SIPA1L3: variants seen among roughly 807,000 people sequenced by gnomAD.
SIPA1L3 encodes signal induced proliferation associated 1 like 3.
In SIPA1L3, 59 loss-of-function variants were observed where a neutral mutation model predicts 150.1. The ratio of observed to expected loss-of-function variants is 0.39; its 90% confidence interval spans 0.32 to 0.49. SIPA1L3 has a LOEUF of 0.49. Ranked by LOEUF, SIPA1L3 falls within the 20% of genes least tolerant of loss-of-function variation. The probability of loss-of-function intolerance (pLI) is 0.86; values close to 1 mark genes in which losing one functional copy is unlikely to be tolerated. For missense variants in SIPA1L3, 2,211 were observed against 2,489.5 expected (o/e 0.89, Z 2.38); for synonymous variants, 1,070 against 1,077.6 (o/e 0.99, Z 0.14).
intron 1 of SIPA1L3, among the ~76,000 whole-genome samples, chr19:37,975,851 TC>T (rs1465711946): frequency 6.6e-6 from 1 of 152,040 alleles, no homozygotes; most frequent in Non-Finnish European, 1.5e-5. Context: ...ACGCCTGTAA[TC>T]CCAGCACTTT....
At chr19:37,995,499 T>G (rs1967616085) in intron 1 of SIPA1L3, among the ~76,000 whole-genome samples, 1 of 151,982 alleles carries the variant, frequency 6.6e-6, no homozygotes, top group South Asian at 2.1e-4. Flanking sequence ...TAATGCAGCG[T>G]GGTGAGTAGA....
intron 3 of SIPA1L3, among the ~76,000 whole-genome samples, chr19:38,086,164 G>C (rs892727848): frequency 6.6e-6 from 1 of 152,062 alleles, no homozygotes; most frequent in Non-Finnish European, 1.5e-5. Flanking sequence ...ATTTTACACT[G>C]TATATGTATT....
chr19:38,030,971 T>A lies in SIPA1L3; in HGVS notation c.-311+1815T>A, dbSNP rs139346404. Among the ~76,000 whole-genome samples, 340 of 152,092 alleles carry A rather than the reference T, an allele frequency of 2.2e-3. 3 individuals are homozygous for A. Among genetic ancestry groups the A allele is most frequent in the African/African-American group, 8.2e-3 (338 of 41,450 alleles). On this transcript the variant is annotated intron_variant, in intron 2 of 21. Coordinates refer to ENST00000222345, the MANE Select transcript of SIPA1L3 (RefSeq NM_015073.3). ...TGTCGGCCAAGCTGCGGGAACTGAG[T>A]GGCTGTGGATGGAGTTTCTCTCTCC...
At chr19:38,162,138 G>A in intron 13 of SIPA1L3, 115 bp from the exon 14 acceptor site, 1 of 768,170 alleles carries the variant, frequency 1.3e-6, no homozygotes, top group Non-Finnish European at 2.3e-6. Context: ...ACTCCAAGGT[G>A]TAAATTGATG....
At chr19:38,018,089 ATT>A (rs201864828) in intron 1 of SIPA1L3, among the ~76,000 whole-genome samples, 1 of 103,390 alleles carries the variant, frequency 9.7e-6, no homozygotes, top group Admixed American at 1.0e-4. Context: ...GGATTCTCTG[ATT>A]TTTTTTTTTT....
intron 4 of SIPA1L3, among the ~76,000 whole-genome samples, 189 bp from the exon 5 acceptor site, chr19:38,099,773 C>T (rs927097337): frequency 6.6e-6 from 1 of 152,228 alleles, no homozygotes; most frequent in Non-Finnish European, 1.5e-5. Context: ...TATGAAGTCA[C>T]TTGGTCAAGA....
At chr19:37,936,318 C>T (rs1055418947) in intron 1 of SIPA1L3, among the ~76,000 whole-genome samples, 3 of 152,278 alleles carry the variant, frequency 2.0e-5, no homozygotes, top group Non-Finnish European at 2.9e-5. Flanking sequence ...TGCCAGCACT[C>T]CATCCAGACA....
chr19:37,951,680 C>T (rs901435652), intron 1 of SIPA1L3, among the ~76,000 whole-genome samples: 3 of 151,882 alleles, frequency 2.0e-5, no homozygotes, highest in Admixed American at 6.6e-5. Flanking sequence ...GGGCGGATCA[C>T]GAGGTCAGGA....
At chr19:38,124,511 T>A (rs1232349756) in intron 9 of SIPA1L3, among the ~76,000 whole-genome samples, 16 of 143,460 alleles carry the variant, frequency 1.1e-4, no homozygotes, top group Admixed American at 1.4e-4. Flanking sequence ...GCTCCTCACT[T>A]TCCAGACTGG....
intron 1 of SIPA1L3, among the ~76,000 whole-genome samples, chr19:38,002,329 G>A (rs1967824453): frequency 6.6e-6 from 1 of 152,048 alleles, no homozygotes; most frequent in African/African-American, 2.4e-5. Flanking sequence ...ATTTTATTTA[G>A]TATCATGTCT....
At chr19:38,141,135 C>A in intron 10 of SIPA1L3, 49 bp from the exon 11 acceptor site, 8 of 1,517,578 alleles carry the variant, frequency 5.3e-6, no homozygotes, top group Non-Finnish European at 7.1e-6. Flanking sequence ...AGCAGGCCCA[C>A]GTGTTGGTGG....
chr19:38,029,188 A>G (rs540600640), intron 2 of SIPA1L3, 32 bp downstream of exon 2: 1 of 152,270 alleles, frequency 6.6e-6, no homozygotes, highest in Non-Finnish European at 1.5e-5. Context: ...GTTTGCTTAG[A>G]ATTTTACAAC....
At chr19:38,107,583 G>A (rs1431140103) in intron 7 of SIPA1L3, among the ~76,000 whole-genome samples, 1 of 152,236 alleles carries the variant, frequency 6.6e-6, no homozygotes, top group East Asian at 1.9e-4. Context: ...AGTTTAGGAA[G>A]TAAGTGTACG....
intron 8 of SIPA1L3, among the ~76,000 whole-genome samples, chr19:38,117,547 A>T (rs28660098): frequency 0.029 from 4,330 of 151,092 alleles, 202 homozygotes; most frequent in African/African-American, 0.099. Flanking sequence ...TGACCCCGGG[A>T]GGCGGAGGTT....
At chr19:38,105,926 A>T (rs1345317632) in intron 6 of SIPA1L3, among the ~76,000 whole-genome samples, 1 of 152,166 alleles carries the variant, frequency 6.6e-6, no homozygotes, top group Non-Finnish European at 1.5e-5. Flanking sequence ...ATCTTCAGGT[A>T]TAAGAGAGAT....
chr19:38,149,922 G>C (rs1393866182), intron 12 of SIPA1L3, among the ~76,000 whole-genome samples: 6 of 152,142 alleles, frequency 3.9e-5, no homozygotes, highest in Non-Finnish European at 8.8e-5. Flanking sequence ...GCCCTCCCCG[G>C]GCTCATCCTA....
At chr19:38,186,602 C>G (rs918856064) in intron 16 of SIPA1L3, among the ~76,000 whole-genome samples, 1 of 151,674 alleles carries the variant, frequency 6.6e-6, no homozygotes, top group South Asian at 2.1e-4. Context: ...AATCCGCCCC[C>G]CCTTGGCCTC....
intron 2 of SIPA1L3, among the ~76,000 whole-genome samples, chr19:38,077,619 T>C (rs1046789325): frequency 6.6e-6 from 1 of 151,500 alleles, no homozygotes; most frequent in African/African-American, 2.4e-5. Context: ...CATGATAGTT[T>C]GTTGTTGTTT....
At chr19:38,051,864 T>C (rs1028527532) in intron 2 of SIPA1L3, among the ~76,000 whole-genome samples, 9 of 152,244 alleles carry the variant, frequency 5.9e-5, no homozygotes, top group African/African-American at 1.9e-4. Context: ...CCCAAAATGC[T>C]GGGATCGCAG....
Sources: allele counts gnomAD v4.1 joint callset (sites outside exome capture counted in the v4.1 genomes callset), GRCh38; gene constraint gnomAD v4.1.1; transcripts MANE v1.5; gene names NCBI Gene and HGNC (gene_info 2026-07-23, HGNC 2026-07-21).